The following PLCXD3 variants were observed in gnomAD, a reference collection of about 807,000 sequenced individuals.
The protein encoded by PLCXD3 is phosphatidylinositol specific phospholipase C X domain containing 3.
Under a neutral mutation model 25.5 loss-of-function variants are expected in PLCXD3, and 19 were observed. The observed-to-expected ratio is 0.75, with a 90% CI of 0.52 to 1.09. The LOEUF is 1.09. PLCXD3 is among the 50% of genes least tolerant of loss of function. The pLI is 0.00. For synonymous variants in PLCXD3, 174 were observed against 137.6 expected (o/e 1.26, Z -1.85); for missense variants, 411 against 388.1 (o/e 1.06, Z -0.50).
intron 2 of PLCXD3, among the ~76,000 whole-genome samples, chr5:41,368,870 G>A (rs989692421): frequency 1.1e-4 from 16 of 152,184 alleles, no homozygotes; most frequent in African/African-American, 3.6e-4. Context: ...GCTAACTGGA[G>A]TAGAAAATGG....
intron 1 of PLCXD3, among the ~76,000 whole-genome samples, chr5:41,415,181 A>C (rs1253030760): frequency 1.3e-5 from 2 of 152,252 alleles, no homozygotes; most frequent in Admixed American, 1.3e-4. Flanking sequence ...AGATTAAAAA[A>C]TTCAAGGTAT....
Position 41,313,621 on chromosome 5 carries a change from G to A in PLCXD3, c.962C>T (p.Thr321Ile). The change falls in exon 3 of 3, where the codon ACT (threonine) becomes ATT (isoleucine). Residue 321 changes from threonine to isoleucine, a missense_variant. By Grantham distance (89) the Thr-to-Ile change is moderately conservative (BLOSUM62 -1). Transcript: ENST00000377801. ...TGGAAACTCCAAGTAGTGCTATCAAGTGTTGGCTTCTCCTTCATCAAAGAC... is the reference window on the plus strand; with the variant it reads ...TGGAAACTCCAAGTAGTGCTATCAAATGTTGGCTTCTCCTTCATCAAAGAC... ...NYVFDEGEAN[T>I] 3 of 1,613,722 alleles carry A rather than the reference G, an allele frequency of 1.9e-6. No individual in the cohort carries two copies. The highest frequency in any genetic ancestry group is 2.5e-6 in the Non-Finnish European group (3 of 1,179,718).
chr5:41,454,934 G>A (rs1747720423), intron 1 of PLCXD3, among the ~76,000 whole-genome samples: 1 of 151,872 alleles, frequency 6.6e-6, no homozygotes, highest in Non-Finnish European at 1.5e-5. Context: ...CATAGTGGAA[G>A]GCGAAGGGGA....
chr5:41,462,784 C>CAAAAAGAAAAA (rs1252008082), intron 1 of PLCXD3, among the ~76,000 whole-genome samples: 1 of 146,356 alleles, frequency 6.8e-6, no homozygotes, highest in Admixed American at 6.8e-5. Flanking sequence ...AACTCTGTCT[C>CAAAAAGAAAAA]AAAAAGAAAA....
chr5:41,358,727 G>A (rs1744688905), intron 2 of PLCXD3, among the ~76,000 whole-genome samples: 2 of 151,994 alleles, frequency 1.3e-5, no homozygotes, highest in African/African-American at 4.8e-5. Flanking sequence ...TTGTCTGATT[G>A]CTCTGGCTAG....
chr5:41,421,159 G>A (rs910595945), intron 1 of PLCXD3, among the ~76,000 whole-genome samples: 2 of 152,030 alleles, frequency 1.3e-5, no homozygotes, highest in African/African-American at 4.8e-5. Context: ...GATAATATTA[G>A]GCATAATATC....
intron 1 of PLCXD3, among the ~76,000 whole-genome samples, chr5:41,428,767 T>A (rs1174228999): frequency 6.6e-6 from 1 of 152,190 alleles, no homozygotes; most frequent in Admixed American, 6.5e-5. Flanking sequence ...CATTAACATT[T>A]AGTGCATTTT....
intron 2 of PLCXD3, among the ~76,000 whole-genome samples, chr5:41,362,187 T>G (rs1254025606): frequency 6.6e-6 from 1 of 152,252 alleles, no homozygotes; most frequent in Non-Finnish European, 1.5e-5. Context: ...CATTTTCTTC[T>G]TTTTCATTTT....
chr5:41,474,240 T>A (rs912436779), intron 1 of PLCXD3, among the ~76,000 whole-genome samples: 11 of 152,186 alleles, frequency 7.2e-5, no homozygotes, highest in Admixed American at 2.6e-4. Context: ...AGGAGGTAAC[T>A]GGTAGGCTTC....
chr5:41,450,827 G>A (rs183104132), intron 1 of PLCXD3, among the ~76,000 whole-genome samples: 98 of 152,100 alleles, frequency 6.4e-4, no homozygotes, highest in Non-Finnish European at 1.0e-3. Context: ...GATTCTATAC[G>A]CAGAGATGGA....
intron 1 of PLCXD3, among the ~76,000 whole-genome samples, chr5:41,492,778 C>T (rs1324961082): frequency 4.6e-5 from 7 of 152,224 alleles, no homozygotes; most frequent in Non-Finnish European, 1.0e-4. Flanking sequence ...GCTTTCAGCC[C>T]CATCAGCTCC....
chr5:41,379,610 G>A lies in PLCXD3; in HGVS notation c.812+2216C>T, dbSNP rs578181882. 6.6e-5 allele frequency among the ~76,000 whole-genome samples: 10 copies of A among 152,202 alleles called. 1 individual carries two copies. In the South Asian group the frequency reaches 1.2e-3, roughly 19 times the overall value. ...TGAGGCTGAGGTGTACAGTGTTATA[G>A]ATGTTGTCAGGGGCTGTTATCCTAG... On this transcript the variant is annotated intron_variant, in intron 2 of 2. Transcript: ENST00000377801.
intron 2 of PLCXD3, among the ~76,000 whole-genome samples, chr5:41,323,496 A>G (rs1418250795): frequency 6.6e-6 from 1 of 152,190 alleles, no homozygotes; most frequent in Non-Finnish European, 1.5e-5. Flanking sequence ...TACACCTACT[A>G]TATACCCACA....
intron 1 of PLCXD3, among the ~76,000 whole-genome samples, chr5:41,477,623 A>G (rs957282279): frequency 2.0e-5 from 3 of 152,086 alleles, no homozygotes; most frequent in Middle Eastern, 3.4e-3. Flanking sequence ...CCCTTACACC[A>G]TAGTCACTTC....
chr5:41,354,803 T>C (rs1381383142), intron 2 of PLCXD3, among the ~76,000 whole-genome samples: 1 of 152,220 alleles, frequency 6.6e-6, no homozygotes, highest in Non-Finnish European at 1.5e-5. Context: ...GTTAGTTCCC[T>C]GCATAAAATT....
At chr5:41,389,377 G>A (rs1397031698) in intron 1 of PLCXD3, among the ~76,000 whole-genome samples, 1 of 152,114 alleles carries the variant, frequency 6.6e-6, no homozygotes, top group Non-Finnish European at 1.5e-5. Context: ...TAATTAAGCA[G>A]AATACCTCCT....
intron 2 of PLCXD3, among the ~76,000 whole-genome samples, chr5:41,376,621 C>T (rs1745303209): frequency 6.6e-6 from 1 of 152,106 alleles, no homozygotes; most frequent in African/African-American, 2.4e-5. Context: ...AGAAGCTACC[C>T]CTATCCATCT....
chr5:41,332,001 C>G (rs1041244953), intron 2 of PLCXD3, among the ~76,000 whole-genome samples: 1 of 152,162 alleles, frequency 6.6e-6, no homozygotes, highest in African/African-American at 2.4e-5. Flanking sequence ...TAGAAGAAAA[C>G]CTAGACATTA....
Position 41,311,709 on chromosome 5 carries a change from C to A in PLCXD3, c.*1908G>T, listed in dbSNP as rs1743139771. The A allele has an allele frequency of 6.6e-6, 1 of 152,132 alleles. No homozygotes were observed. Among genetic ancestry groups the A allele is most frequent in the South Asian group, 2.1e-4 (1 of 4,824 alleles). 9.4% of individuals were successfully genotyped at this position (152,132 alleles called of 1,614,324 possible). On this transcript the variant is annotated 3_prime_UTR_variant, in exon 3 of 3. Coordinates refer to ENST00000377801, the MANE Select transcript of PLCXD3 (RefSeq NM_001005473.3). ...ACACACTCCTCATAAACATTCTCTTCAGTATAAACAATTTCTTTTCCTCCC... is the reference window on the plus strand; with the variant it reads ...ACACACTCCTCATAAACATTCTCTTAAGTATAAACAATTTCTTTTCCTCCC...
Sources: allele counts gnomAD v4.1 joint callset (sites outside exome capture counted in the v4.1 genomes callset), GRCh38; gene constraint gnomAD v4.1.1; transcripts MANE v1.5; gene names NCBI Gene and HGNC (gene_info 2026-07-23, HGNC 2026-07-21).